EDDM13: variants seen among roughly 807,000 people sequenced by gnomAD.
EDDM13 encodes epididymal protein 13.
Under a neutral mutation model 17.8 loss-of-function variants are expected in EDDM13, and 24 were observed. The observed-to-expected ratio is 1.35, with a 90% confidence interval of 0.98 to 1.90. The LOEUF (loss-of-function observed/expected upper bound fraction) is 1.90, where lower values mean the gene tolerates loss of function less well. Among genes scored for constraint, EDDM13 ranks in the 40% most tolerant of loss-of-function variants. The pLI, the probability that EDDM13 is intolerant of heterozygous loss-of-function variation, is 0.00. For missense variants in EDDM13, 97 were observed against 100.8 expected (o/e 0.96, Z 0.16); for synonymous variants, 31 against 37.5 (o/e 0.83, Z 0.63).
At chr19:56,286,214 G>A (rs528157979) in intron 6 of EDDM13, among the ~76,000 whole-genome samples, 4 of 151,040 alleles carry the variant, frequency 2.6e-5, no homozygotes, top group Non-Finnish European at 4.4e-5. Flanking sequence ...TAGAGATGGG[G>A]TTTCACCATG....
intron 8 of EDDM13, among the ~76,000 whole-genome samples, 183 bp downstream of exon 8, chr19:56,289,074 G>T (rs1014421676): frequency 6.6e-6 from 1 of 152,156 alleles, no homozygotes; most frequent in South Asian, 2.1e-4. Flanking sequence ...TGCTGTGCTG[G>T]TAAATGTCTA....
At chr19:56,284,082 C>A in intron 4 of EDDM13, 116 bp from the exon 5 acceptor site, 1 of 753,634 alleles carries the variant, frequency 1.3e-6, no homozygotes, top group Non-Finnish European at 1.6e-6. Context: ...AGCATCTGAC[C>A]TCGTTTTTGG....
intron 2 of EDDM13, among the ~76,000 whole-genome samples, chr19:56,276,534 T>TTTTA (rs78738335): frequency 0.38 from 53,200 of 139,566 alleles, 10,711 homozygotes; most frequent in Non-Finnish European, 0.49. Context: ...TGAGGGTTAT[T>TTTTA]TTTATTTATT....
At position 56,276,118 on chromosome 19, in the gene EDDM13, C is replaced by T. The variant is rs567129903; in HGVS notation, c.103+9C>T. ...TGCAACTAAAGAAAAAAGTAAGAAC[C>T]GTGGAACCCCCAAGTCTGTATTTTC... is the stretch of plus-strand genomic sequence containing the variant. On this transcript the variant is annotated intron_variant, in intron 2 of 14. Coordinates refer to ENST00000649256, the MANE Select transcript of EDDM13 (RefSeq NM_001354658.2). Among the ~76,000 whole-genome samples, 1 of 152,286 alleles carries T rather than the reference C, an allele frequency of 6.6e-6. No homozygotes were observed. The highest frequency in any genetic ancestry group is 2.1e-4 in the South Asian group (1 of 4,824).
chr19:56,286,510 G>A (rs3205192), intron 6 of EDDM13: 66,837 of 151,974 alleles, frequency 0.44, 15,596 homozygotes, highest in Admixed American at 0.52. Flanking sequence ...GCTTTATACC[G>A]CTTGAGTAAG....
chr19:56,283,986 C>G (rs1382922026), intron 4 of EDDM13: 1 of 155,548 alleles, frequency 6.4e-6, no homozygotes, highest in East Asian at 1.9e-4. Context: ...CCTCAATAAT[C>G]TCACAGCGTT....
chr19:56,292,365 C>T (rs1054040937), intron 9 of EDDM13, among the ~76,000 whole-genome samples: 2 of 152,058 alleles, frequency 1.3e-5, no homozygotes, highest in African/African-American at 4.8e-5. Flanking sequence ...TGGGCTCAAG[C>T]GATCCTTCTT....
intron 7 of EDDM13, among the ~76,000 whole-genome samples, 155 bp downstream of exon 7, chr19:56,288,593 G>A (rs558666693): frequency 6.6e-6 from 1 of 152,278 alleles, no homozygotes; most frequent in South Asian, 2.1e-4. Context: ...GGCCTGCCTT[G>A]CTTTCCACTG....
chr19:56,301,538 G>T (rs2040231595), intron 12 of EDDM13, among the ~76,000 whole-genome samples: 1 of 152,134 alleles, frequency 6.6e-6, no homozygotes, highest in African/African-American at 2.4e-5. Context: ...TATCAGCAGG[G>T]TCTTTGCGAC....
At chr19:56,274,089 C>A (rs2038064756) in intron 1 of EDDM13, among the ~76,000 whole-genome samples, 1 of 152,104 alleles carries the variant, frequency 6.6e-6, no homozygotes, top group Non-Finnish European at 1.5e-5. Flanking sequence ...GAGAAGCATG[C>A]AGAAAGGCTC....
intron 2 of EDDM13, among the ~76,000 whole-genome samples, chr19:56,278,267 GGGA>G (rs1364230538): frequency 2.0e-5 from 3 of 152,106 alleles, no homozygotes; most frequent in Non-Finnish European, 4.4e-5. Flanking sequence ...CCAAGTAGCT[GGGA>G]CTATAGGTGC....
intron 13 of EDDM13, chr19:56,303,088 A>G (rs759753089): frequency 8.2e-5 from 32 of 389,636 alleles, no homozygotes; most frequent in African/African-American, 4.3e-4. Flanking sequence ...TTAAGGACAG[A>G]ATGGAATTAG....
chr19:56,298,296 G>A (rs982823513), intron 12 of EDDM13: 5 of 151,858 alleles, frequency 3.3e-5, no homozygotes, highest in East Asian at 3.9e-4. Context: ...TAGATAAAAC[G>A]GACAAAATCC....
At chr19:56,275,899 T>C (rs1237396734) in intron 1 of EDDM13, among the ~76,000 whole-genome samples, 193 bp from the exon 2 acceptor site, 1 of 152,354 alleles carries the variant, frequency 6.6e-6, no homozygotes, top group East Asian at 1.9e-4. Flanking sequence ...ACGAATGGAC[T>C]TATCGATGGA....
At chr19:56,304,575 A>G (rs2040561746) in intron 13 of EDDM13, among the ~76,000 whole-genome samples, 1 of 152,174 alleles carries the variant, frequency 6.6e-6, no homozygotes, top group Non-Finnish European at 1.5e-5. Flanking sequence ...GGGGATGAGG[A>G]GAACTGGCTG....
At chr19:56,306,203 C>T (rs910317000) in intron 14 of EDDM13, among the ~76,000 whole-genome samples, 1 of 152,184 alleles carries the variant, frequency 6.6e-6, no homozygotes, top group Non-Finnish European at 1.5e-5. Flanking sequence ...CTGGTCAAGG[C>T]TAGGGTCCAG....
At chr19:56,308,513 G>A (rs1411387689) in intron 14 of EDDM13, among the ~76,000 whole-genome samples, 2 of 151,578 alleles carry the variant, frequency 1.3e-5, no homozygotes, top group African/African-American at 4.9e-5. Flanking sequence ...TAGTAGAGAT[G>A]AAGTTTCACC....
chr19:56,295,626 A>G (rs1366934824), intron 9 of EDDM13, among the ~76,000 whole-genome samples: 1 of 151,852 alleles, frequency 6.6e-6, no homozygotes, highest in Non-Finnish European at 1.5e-5. Flanking sequence ...ACAAAAACAA[A>G]CAGAAGAGAT....
intron 4 of EDDM13, 183 bp from the exon 5 acceptor site, chr19:56,284,015 C>G (rs2147089632): frequency 5.8e-6 from 1 of 171,918 alleles, no homozygotes; most frequent in Non-Finnish European, 1.2e-5. Flanking sequence ...TAGTCCCTGA[C>G]TGCTCACCAT....
Sources: allele counts gnomAD v4.1 joint callset (sites outside exome capture counted in the v4.1 genomes callset), GRCh38; gene constraint gnomAD v4.1.1; transcripts MANE v1.5; gene names NCBI Gene and HGNC (gene_info 2026-07-23, HGNC 2026-07-21).